FILIP1L: variants seen among roughly 807,000 people sequenced by gnomAD.
FILIP1L encodes filamin A-interacting protein 1-like.
A neutral mutation model predicts 96.6 loss-of-function variants in FILIP1L; 55 were observed. The ratio of observed to expected loss-of-function variants is 0.57; its 90% confidence interval spans 0.46 to 0.71. FILIP1L has a LOEUF of 0.71. Ranked by LOEUF, FILIP1L falls within the 30% of genes least tolerant of loss-of-function variation. The probability of loss-of-function intolerance (pLI) is 0.00; values close to 1 mark genes in which losing one functional copy is unlikely to be tolerated. For synonymous variants in FILIP1L, 467 were observed against 473.9 expected (o/e 0.99, Z 0.19); for missense variants, 1,304 against 1,321.2 (o/e 0.99, Z 0.20).
At chr3:100,017,901 T>C (rs1710391876) in intron 1 of FILIP1L, among the ~76,000 whole-genome samples, 2 of 152,176 alleles carry the variant, frequency 1.3e-5, no homozygotes, top group African/African-American at 4.8e-5. Context: ...TTTTCCTGGA[T>C]CTGTAGCTTG....
intron 1 of FILIP1L, among the ~76,000 whole-genome samples, chr3:100,091,335 ATGTATGTATG>A (rs2107434716): frequency 6.6e-6 from 1 of 151,982 alleles, no homozygotes; most frequent in East Asian, 1.9e-4. Flanking sequence ...AGGGGTGTGC[ATGTATGTATG>A]TGTATGTATG....
chr3:99,887,408 A>T (rs1281823946), intron 4 of FILIP1L, among the ~76,000 whole-genome samples: 1 of 152,206 alleles, frequency 6.6e-6, no homozygotes, highest in Non-Finnish European at 1.5e-5. Context: ...TACTATAGTC[A>T]TTGGTTGGCT....
rs908410598 is a variant in FILIP1L at position 99,829,292 on chromosome 3, T to C, written c.*1122A>G. Among the ~76,000 whole-genome samples, 3 of 152,204 alleles carry C rather than the reference T, an allele frequency of 2.0e-5. No individual in the cohort carries two copies. The highest frequency in any genetic ancestry group is 4.4e-5 in the Non-Finnish European group (3 of 68,044). ...TTTGAACTGCCTTTTGTGTCAAACA[T>C]GCCTTGTCTTAAAATGTCCTGTATT... On this transcript the variant is annotated 3_prime_UTR_variant, in exon 6 of 6. Coordinates refer to ENST00000477258, the MANE Select transcript of FILIP1L (RefSeq NM_001387850.1).
chr3:99,849,554 C>T lies in FILIP1L; in HGVS notation c.2122G>A (p.Glu708Lys). 6.2e-7 allele frequency: 1 copy of T among 1,613,392 alleles called. No homozygotes were observed. Among genetic ancestry groups the T allele is most frequent in the Admixed American group, 1.7e-5 (1 of 59,920 alleles). Residue 708 changes from glutamate (E) to lysine (K), a missense_variant, in exon 5 of 6, where the codon GAA becomes AAA. Physicochemically the swap from Glu to Lys is moderately conservative, Grantham distance 56. Transcript: ENST00000477258. ...EQWLFKRLQE[E>K]EAKSGHLSRE... ...GAGAGGTGCCCTGACTTAGCTTCTT[C>T]TTCTTGAAGCCTTTTGAAAAGCCAT...
At chr3:99,882,172 T>TA (rs1482818290) in intron 4 of FILIP1L, among the ~76,000 whole-genome samples, 1 of 152,152 alleles carries the variant, frequency 6.6e-6, no homozygotes, top group Non-Finnish European at 1.5e-5. Context: ...ATCCAGGAAG[T>TA]AAAAAAATAA....
At chr3:100,014,194 G>A (rs1710249933) in intron 1 of FILIP1L, among the ~76,000 whole-genome samples, 2 of 150,412 alleles carry the variant, frequency 1.3e-5, no homozygotes, top group Non-Finnish European at 3.0e-5. Flanking sequence ...CATTGTATAT[G>A]TATATATATA....
At chr3:100,081,969 G>C (rs540711404) in intron 1 of FILIP1L, among the ~76,000 whole-genome samples, 230 of 152,138 alleles carry the variant, frequency 1.5e-3, no homozygotes, top group Non-Finnish European at 1.8e-3. Flanking sequence ...CTGTTTTAGA[G>C]TAGGAGGTAT....
rs985202416 is a variant in FILIP1L at position 99,970,739 on chromosome 3, G to A, written c.-10-39709C>T. 7.2e-5 allele frequency among the ~76,000 whole-genome samples: 11 copies of A among 152,290 alleles called. No individual in the cohort carries two copies. In the East Asian group the frequency reaches 9.6e-4, roughly 13 times the overall value. On this transcript the variant is annotated intron_variant, in intron 1 of 5. Transcript: ENST00000477258. ...AGAGAGGTAGAGTACTTAAGAGAGC[G>A]TGCTACGATAGACCTCAAAGGACTT...
At chr3:99,887,146 G>A (rs1705927388) in intron 4 of FILIP1L, among the ~76,000 whole-genome samples, 1 of 151,872 alleles carries the variant, frequency 6.6e-6, no homozygotes, top group Non-Finnish European at 1.5e-5. Flanking sequence ...TGGCGTGCCT[G>A]TAATCCCAGC....
intron 1 of FILIP1L, among the ~76,000 whole-genome samples, chr3:100,110,313 A>C (rs1481749447): frequency 6.6e-6 from 1 of 152,074 alleles, no homozygotes; most frequent in Non-Finnish European, 1.5e-5. Context: ...CTGTCAGTTT[A>C]ATATCATGGC....
At chr3:100,081,846 T>G (rs947187454) in intron 1 of FILIP1L, among the ~76,000 whole-genome samples, 9 of 152,182 alleles carry the variant, frequency 5.9e-5, no homozygotes, top group African/African-American at 2.2e-4. Flanking sequence ...TTGTAGGATG[T>G]TTAGCAGCAT....
At position 99,928,929 on chromosome 3, in the gene FILIP1L, C is replaced by G. The variant is rs140973341; in HGVS notation, c.426+927G>C. 6.7e-3 allele frequency among the ~76,000 whole-genome samples: 1,024 copies of G among 152,286 alleles called. 3 individuals are homozygous for G. The highest frequency in any genetic ancestry group is 8.5e-3 in the African/African-American group (352 of 41,540). ...GAAGCAGATACATATGACCAAACTC[C>G]TTCACTATTTGGCAAGACAGTAGTC... On this transcript the variant is annotated intron_variant, in intron 3 of 5. Transcript: ENST00000477258.
intron 1 of FILIP1L, among the ~76,000 whole-genome samples, chr3:100,037,247 A>G (rs2065122869): frequency 6.6e-6 from 1 of 152,170 alleles, no homozygotes; most frequent in South Asian, 2.1e-4. Context: ...TTAGAGGCAA[A>G]GGGACATGAT....
In FILIP1L at chr3:99,848,705, C is replaced by T. The variant is rs1188613109; in HGVS notation, c.2971G>A (p.Gly991Ser). 6.2e-7 allele frequency: 1 copy of T among 1,614,026 alleles called. No homozygotes were observed. Among genetic ancestry groups the T allele is most frequent in the Non-Finnish European group, 8.5e-7 (1 of 1,180,024 alleles). Residue 991 changes from glycine to serine, a missense_variant, in exon 5 of 6, where the codon GGT becomes AGT. By Grantham distance (56) the Gly-to-Ser change is moderately conservative (BLOSUM62 0). Coordinates refer to ENST00000477258, the MANE Select transcript of FILIP1L (RefSeq NM_001387850.1). Reference protein sequence around the residue: ...FARAQTPESCGSLTPERTMSP... With the variant: ...FARAQTPESCSSLTPERTMSP... ...ATTGTCCTTTCTGGAGTTAGAGAACCACAAGACTCTGGGGTCTGTGCTCTG... is the reference window on the plus strand; with the variant it reads ...ATTGTCCTTTCTGGAGTTAGAGAACTACAAGACTCTGGGGTCTGTGCTCTG...
chr3:99,888,785 G>A (rs1705991642), intron 4 of FILIP1L, among the ~76,000 whole-genome samples: 1 of 152,052 alleles, frequency 6.6e-6, no homozygotes. Flanking sequence ...GATTCATTTT[G>A]ATGTTTCATA....
chr3:99,844,815 T>C (rs891763665), intron 5 of FILIP1L, among the ~76,000 whole-genome samples: 1 of 152,172 alleles, frequency 6.6e-6, no homozygotes, highest in Non-Finnish European at 1.5e-5. Context: ...TCATGAGACC[T>C]GATGGTTTAA....
rs1424319486 is a variant in FILIP1L, at chr3:99,850,979, T to G, written c.697A>C (p.Thr233Pro). The G allele has an allele frequency of 1.9e-6, 3 of 1,614,014 alleles. No individual in the cohort carries two copies. The African/African-American group carries it at 4.0e-5, about 22-fold the overall frequency. Reference protein sequence around the residue: ...KRVTTLKEELTKLKSFALMVV... With the variant: ...KRVTTLKEELPKLKSFALMVV... ...ATCAAAGCAAAAGACTTCAGCTTGG[T>G]CAGCTCCTCTTTCAGGGTGGTGACC... The change falls in exon 5 of 6, where the codon ACC becomes CCC. Residue 233 changes from threonine to proline, a missense_variant. Transcript: ENST00000477258.
intron 1 of FILIP1L, among the ~76,000 whole-genome samples, chr3:100,103,340 G>A (rs2066340598): frequency 1.3e-5 from 2 of 152,212 alleles, no homozygotes; most frequent in African/African-American, 4.8e-5. Context: ...AGGAGGTTGG[G>A]CAAAGCTGCT....
At chr3:100,081,080 A>G (rs2065924896) in intron 1 of FILIP1L, among the ~76,000 whole-genome samples, 1 of 152,214 alleles carries the variant, frequency 6.6e-6, no homozygotes, top group Admixed American at 6.5e-5. Flanking sequence ...TGTTATATCC[A>G]TTAGTCTTGC....
Sources: gnomAD v4.1 joint callset for allele counts (sites outside exome capture counted in the v4.1 genomes callset) on GRCh38, gnomAD v4.1.1 for gene constraint, MANE v1.5 for transcripts, NCBI Gene and HGNC (gene_info 2026-07-23, HGNC 2026-07-21) for gene names.